ABCB5: variants seen among roughly 807,000 people sequenced by gnomAD.
ABCB5 encodes ATP-binding cassette sub-family B member 5.
Under a neutral mutation model 144.2 loss-of-function variants are expected in ABCB5, and 155 were observed. The ratio of observed to expected loss-of-function variants is 1.08; its 90% CI spans 0.94 to 1.23. The LOEUF is 1.23. Among genes scored for constraint, ABCB5 ranks in the 50% most tolerant of loss-of-function variants. The probability of loss-of-function intolerance (pLI) is 0.00; values close to 1 mark genes in which losing one functional copy is unlikely to be tolerated. For synonymous variants in ABCB5, 610 were observed against 528.6 expected (o/e 1.15, Z -2.11); for missense variants, 1,830 against 1,520.8 (o/e 1.20, Z -3.38).
chr7:20,753,656 C>G, intron 27 of ABCB5, 150 bp downstream of exon 27: 1 of 826,464 alleles, frequency 1.2e-6, no homozygotes, highest in Non-Finnish European at 1.7e-6. Flanking sequence ...TGGACCTTTA[C>G]AAAAAGGTCA....
rs1192358818 is a variant in ABCB5, at chr7:20,690,986, T to A, written c.2010+5150T>A. ...GATTTACTTTCCTGCTTGATAGAAC[T>A]AAGAAACTGAACAAAATATGTGAAA... On this transcript the variant is annotated intron_variant, in intron 16 of 27. Coordinates refer to ENST00000404938, the MANE Select transcript of ABCB5 (RefSeq NM_001163941.2). Among the ~76,000 whole-genome samples, 4 of 152,068 alleles carry A rather than the reference T, an allele frequency of 2.6e-5. 1 individual carries two copies. The highest frequency in any genetic ancestry group is 5.9e-5 in the Non-Finnish European group (4 of 68,004).
At chr7:20,730,432 C>A (rs1423255199) in intron 23 of ABCB5, among the ~76,000 whole-genome samples, 1 of 152,134 alleles carries the variant, frequency 6.6e-6, no homozygotes, top group Non-Finnish European at 1.5e-5. Flanking sequence ...TCACTTGACC[C>A]GAGGAGGCAG....
rs1225932982 is a variant in ABCB5, at chr7:20,711,850, T to C, written c.2421+7043T>C. Among the ~76,000 whole-genome samples the C allele has an allele frequency of 2.1e-4, 16 of 76,390 alleles. 3 individuals are homozygous for C. The highest frequency in any genetic ancestry group is 8.0e-4 in the African/African-American group (14 of 17,464). The allele number at this position is 76,390 out of a possible 152,430, so 50.1% of individuals were successfully genotyped here. A position where few individuals can be genotyped will look rare whatever the true frequency, so the allele number is the denominator to read the frequency against. On this transcript the variant is annotated intron_variant, in intron 20 of 27. Transcript: ENST00000404938. ...TTTCTTTCTTTCTTTCTTTCTTTTC[T>C]TTCTTTCTTTCCTTCCTCCCTCCCT...
Position 20,738,980 on chromosome 7 carries a change from T to A in ABCB5, c.2868-3T>A, listed in dbSNP as rs1554290106. 6.3e-6 allele frequency: 10 copies of A among 1,587,338 alleles called. No homozygotes were observed. The South Asian group carries it at 1.2e-4, about 18-fold the overall frequency. ...AAGATTCAAATGCTTTATCTTTTGA[T>A]AGAGTTTTTACTGCAATTGCATATG... On this transcript the variant is annotated splice_polypyrimidine_tract_variant and splice_region_variant and intron_variant, in intron 23 of 27. Coordinates refer to ENST00000404938, the MANE Select transcript of ABCB5 (RefSeq NM_001163941.2).
chr7:20,740,807 T>C (rs139755878), intron 24 of ABCB5, among the ~76,000 whole-genome samples: 1 of 152,188 alleles, frequency 6.6e-6, no homozygotes, highest in African/African-American at 2.4e-5. Flanking sequence ...ACTCTACGCT[T>C]TTAAAAATTA....
At chr7:20,695,259 A>T (rs1223705735) in intron 16 of ABCB5, among the ~76,000 whole-genome samples, 1 of 151,986 alleles carries the variant, frequency 6.6e-6, no homozygotes, top group Non-Finnish European at 1.5e-5. Flanking sequence ...GCTGAGAAGT[A>T]GTCCCACACA....
chr7:20,723,264 AAC>A (rs1562579968), intron 21 of ABCB5, 45 bp downstream of exon 21: 2 of 1,569,808 alleles, frequency 1.3e-6, no homozygotes, highest in Non-Finnish European at 1.7e-6. Context: ...TAAAGAGAAA[AAC>A]AGTCAGAACT....
intron 5 of ABCB5, among the ~76,000 whole-genome samples, chr7:20,639,669 C>A (rs908208681): frequency 2.0e-5 from 3 of 152,084 alleles, no homozygotes; most frequent in Non-Finnish European, 4.4e-5. Context: ...TGTAGGAGTC[C>A]GTTTCTGTTC....
rs1225324066 is a variant in ABCB5, at chr7:20,668,600, G to C, written c.1707+9924G>C. Among the ~76,000 whole-genome samples, 4 of 146,638 alleles carry C rather than the reference G, an allele frequency of 2.7e-5. No individual in the cohort carries two copies. The South Asian group carries it at 6.5e-4, about 24-fold the overall frequency. On this transcript the variant is annotated intron_variant, in intron 14 of 27. Transcript: ENST00000404938. The stretch of plus-strand genomic sequence containing the variant: ...CGTCCGGGAGGGAGGTGGGGGGGGG[G>C]GTCAGCCCCCCGCCCGGCCAGCCGC...
intron 1 of ABCB5, among the ~76,000 whole-genome samples, chr7:20,622,951 A>G (rs1783830846): frequency 6.6e-6 from 1 of 152,156 alleles, no homozygotes; most frequent in Non-Finnish European, 1.5e-5. Flanking sequence ...CAAAGTAGGA[A>G]TATCTAATAT....
intron 27 of ABCB5, among the ~76,000 whole-genome samples, chr7:20,755,023 C>T (rs1208219022): frequency 6.6e-6 from 1 of 151,886 alleles, no homozygotes; most frequent in Non-Finnish European, 1.5e-5. Context: ...GATCTCAGCT[C>T]ACGGCAACCT....
intron 16 of ABCB5, among the ~76,000 whole-genome samples, chr7:20,691,432 C>T (rs1786226263): frequency 6.6e-6 from 1 of 151,416 alleles, no homozygotes; most frequent in Non-Finnish European, 1.5e-5. Flanking sequence ...AGTCTTCATC[C>T]GACTACTGAT....
intron 11 of ABCB5, 107 bp from the exon 12 acceptor site, chr7:20,649,915 T>C: frequency 7.8e-7 from 1 of 1,277,142 alleles, no homozygotes; most frequent in Non-Finnish European, 1.1e-6. Context: ...CTAAATTTGT[T>C]TTTAGAAGAA....
At chr7:20,618,538 T>C (rs975062803) in intron 1 of ABCB5, among the ~76,000 whole-genome samples, 1 of 152,002 alleles carries the variant, frequency 6.6e-6, no homozygotes, top group African/African-American at 2.4e-5. Flanking sequence ...ACTCGGTAGG[T>C]AGTTTTTCAG....
chr7:20,629,403 T>C (rs1484370597), intron 4 of ABCB5, among the ~76,000 whole-genome samples: 1 of 152,160 alleles, frequency 6.6e-6, no homozygotes, highest in Non-Finnish European at 1.5e-5. Flanking sequence ...AAGTGGTGAT[T>C]ACATCAGGAT....
intron 5 of ABCB5, 70 bp downstream of exon 5, chr7:20,632,183 G>T: frequency 8.8e-7 from 1 of 1,132,298 alleles, no homozygotes; most frequent in Non-Finnish European, 1.2e-6. Flanking sequence ...CAAGAAAAAA[G>T]CAACTGAAAT....
intron 10 of ABCB5, 49 bp from the exon 11 acceptor site, chr7:20,647,919 G>T (rs1339571283): frequency 1.6e-6 from 2 of 1,246,586 alleles, no homozygotes; most frequent in Non-Finnish European, 2.3e-6. Context: ...TGTAGAGACT[G>T]TCAGTTTACT....
At chr7:20,738,393 A>G (rs1782456790) in intron 23 of ABCB5, among the ~76,000 whole-genome samples, 1 of 152,192 alleles carries the variant, frequency 6.6e-6, no homozygotes, top group East Asian at 1.9e-4. Context: ...TGAGATCATA[A>G]TCAATAACAA....
At chr7:20,669,102 G>A (rs1432578817) in intron 14 of ABCB5, among the ~76,000 whole-genome samples, 7 of 142,354 alleles carry the variant, frequency 4.9e-5, no homozygotes, top group Non-Finnish European at 7.5e-5. Context: ...GGAGGATGGT[G>A]GGGGGGGTCA....
Sources: gnomAD v4.1 joint callset for allele counts (sites outside exome capture counted in the v4.1 genomes callset) on GRCh38, gnomAD v4.1.1 for gene constraint, MANE v1.5 for transcripts, NCBI Gene and HGNC (gene_info 2026-07-23, HGNC 2026-07-21) for gene names.